LAMA2: variants seen among roughly 807,000 people sequenced by gnomAD.
The protein encoded by LAMA2 is laminin subunit alpha 2.
Under a neutral mutation model 364.8 loss-of-function variants are expected in LAMA2, and 269 were observed. That is an observed-to-expected ratio of 0.74 (90% CI 0.67 to 0.82). LAMA2 has a LOEUF of 0.82. Ranked by LOEUF, LAMA2 falls within the 40% of genes least tolerant of loss-of-function variation. The pLI is 0.00. For synonymous variants in LAMA2, 1,379 were observed against 1,370.6 expected, an observed-to-expected ratio of 1.01 and a Z score of -0.14; for missense variants, 3,807 against 3,873.2, an observed-to-expected ratio of 0.98 and a Z score of 0.45.
Position 129,445,731 on chromosome 6 carries a change from C to G in LAMA2, c.6339C>G (p.Leu2113=). The stretch of plus-strand genomic sequence containing the variant: ...AAGCTGACCGGCTAATAGATAAACT[C>G]AAACCCATCAAGGAACTTGAGGATA... ...EQEADRLIDK[L]KPIKELEDNL... Residue 2113 remains leucine, a synonymous_variant, in exon 45 of 65, where the codon CTC becomes CTG. Transcript: ENST00000421865. 1.2e-6 allele frequency: 2 copies of G among 1,613,718 alleles called. No individual in the cohort carries two copies. The highest frequency in any genetic ancestry group is 1.7e-6 in the Non-Finnish European group (2 of 1,179,716).
chr6:129,138,160 T>C (rs970538194), intron 4 of LAMA2, among the ~76,000 whole-genome samples: 1 of 151,902 alleles, frequency 6.6e-6, no homozygotes, highest in Non-Finnish European at 1.5e-5. Flanking sequence ...CCAATACATA[T>C]ATTTGAGTGA....
chr6:129,050,113 G>C, intron 2 of LAMA2, 25 bp downstream of exon 2: 1 of 1,612,764 alleles, frequency 6.2e-7, no homozygotes, highest in Non-Finnish European at 8.5e-7. Context: ...GTGTAGGTGT[G>C]TGGCGCTGGG....
intron 1 of LAMA2, among the ~76,000 whole-genome samples, chr6:128,936,349 T>C (rs1434778158): frequency 6.6e-6 from 1 of 152,222 alleles, no homozygotes; most frequent in African/African-American, 2.4e-5. Context: ...CAGATACATT[T>C]TTCTATACCT....
intron 12 of LAMA2, among the ~76,000 whole-genome samples, chr6:129,222,870 A>G (rs925104811): frequency 3.3e-5 from 5 of 152,090 alleles, no homozygotes; most frequent in East Asian, 1.9e-4. Context: ...TAATGGGATG[A>G]CTGGGTCAAA....
chr6:129,400,904 A>G (rs774173551), intron 37 of LAMA2, among the ~76,000 whole-genome samples: 3 of 152,250 alleles, frequency 2.0e-5, no homozygotes, highest in Non-Finnish European at 4.4e-5. Context: ...ATAACTATTC[A>G]GCACTTATAT....
chr6:129,206,742 G>A (rs1782705859), intron 12 of LAMA2, among the ~76,000 whole-genome samples: 1 of 152,182 alleles, frequency 6.6e-6, no homozygotes, highest in African/African-American at 2.4e-5. Context: ...TATATTAGCT[G>A]TGTCTGAGAT....
At chr6:129,435,457 A>G (rs958478940) in intron 41 of LAMA2, among the ~76,000 whole-genome samples, 2 of 152,174 alleles carry the variant, frequency 1.3e-5, no homozygotes, top group Non-Finnish European at 2.9e-5. Context: ...GAAGTATTAT[A>G]AGAAAGATGA....
intron 43 of LAMA2, among the ~76,000 whole-genome samples, chr6:129,441,380 G>A (rs770137154): frequency 9.9e-5 from 15 of 152,104 alleles, no homozygotes; most frequent in Non-Finnish European, 1.9e-4. Context: ...TAAGGGGCAC[G>A]TTCATGAACA....
At chr6:129,403,994 A>C (rs572673195) in intron 40 of LAMA2, 35 bp downstream of exon 40, 1 of 1,611,930 alleles carries the variant, frequency 6.2e-7, no homozygotes, top group African/African-American at 1.3e-5. Context: ...TGGGAATGGA[A>C]GTCAACCTTT....
chr6:129,285,585 T>A (rs1035164887), intron 18 of LAMA2, among the ~76,000 whole-genome samples: 2 of 152,142 alleles, frequency 1.3e-5, no homozygotes, highest in African/African-American at 4.8e-5. Context: ...AGGTTTTCGT[T>A]TGCTGTGATA....
At chr6:129,035,524 GT>G (rs1786577979) in intron 1 of LAMA2, among the ~76,000 whole-genome samples, 1 of 49,246 alleles carries the variant, frequency 2.0e-5, no homozygotes, top group African/African-American at 6.5e-5. Flanking sequence ...AGTCCCATTT[GT>G]TCATTTTTTT....
At chr6:129,329,409 G>T (rs930828858) in intron 29 of LAMA2, among the ~76,000 whole-genome samples, 2 of 151,990 alleles carry the variant, frequency 1.3e-5, no homozygotes, top group Non-Finnish European at 2.9e-5. Flanking sequence ...TGTCGTGCAG[G>T]CTGGAGGGCA....
intron 1 of LAMA2, among the ~76,000 whole-genome samples, chr6:128,922,176 A>G (rs1023574148): frequency 6.6e-5 from 10 of 152,038 alleles, no homozygotes; most frequent in Admixed American, 2.0e-4. Context: ...ATACCTGTGT[A>G]TGTGTCTTTA....
intron 1 of LAMA2, among the ~76,000 whole-genome samples, chr6:128,991,882 A>T (rs1783632628): frequency 2.0e-5 from 3 of 152,214 alleles, no homozygotes; most frequent in Admixed American, 2.0e-4. Flanking sequence ...AGGGAAATAC[A>T]TTCACAGTCC....
At chr6:129,299,999 G>A (rs9385485) in intron 21 of LAMA2, among the ~76,000 whole-genome samples, 32,675 of 152,086 alleles carry the variant, frequency 0.21, 4,553 homozygotes, top group East Asian at 0.56. Flanking sequence ...GTCAACTGCC[G>A]CTATGTGGCA....
chr6:129,085,914 T>G (rs2114848017), intron 3 of LAMA2, among the ~76,000 whole-genome samples: 1 of 152,358 alleles, frequency 6.6e-6, no homozygotes, highest in Admixed American at 6.5e-5. Flanking sequence ...GCATTCCATC[T>G]TGAGAAAATG....
At chr6:129,119,867 G>T (rs1776704620) in intron 4 of LAMA2, among the ~76,000 whole-genome samples, 1 of 152,108 alleles carries the variant, frequency 6.6e-6, no homozygotes, top group African/African-American at 2.4e-5. Context: ...TTTTTGATAT[G>T]CACTGGCACA....
At chr6:129,091,464 A>G (rs1438466900) in intron 3 of LAMA2, among the ~76,000 whole-genome samples, 1 of 152,168 alleles carries the variant, frequency 6.6e-6, no homozygotes, top group African/African-American at 2.4e-5. Context: ...TTTCTCTTAT[A>G]ATACAGGAGC....
At chr6:128,906,090 A>G (rs1777444763) in intron 1 of LAMA2, among the ~76,000 whole-genome samples, 1 of 149,294 alleles carries the variant, frequency 6.7e-6, no homozygotes, top group African/African-American at 2.5e-5. Context: ...TGCCGCAATA[A>G]ACATATGTGT....
Sources: allele counts gnomAD v4.1 joint callset (sites outside exome capture counted in the v4.1 genomes callset), GRCh38; gene constraint gnomAD v4.1.1; transcripts MANE v1.5; gene names NCBI Gene and HGNC (gene_info 2026-07-23, HGNC 2026-07-21).